The following SYT2 variants were observed in gnomAD, a reference collection of about 807,000 sequenced individuals.
The protein encoded by SYT2 is synaptotagmin-2.
A neutral mutation model predicts 39.9 loss-of-function variants in SYT2; 15 were observed. The ratio of observed to expected loss-of-function variants is 0.38; its 90% CI spans 0.25 to 0.58. The LOEUF is 0.58. SYT2 is among the 20% of genes least tolerant of loss of function. The probability of loss-of-function intolerance (pLI) is 0.70; values close to 1 mark genes in which losing one functional copy is unlikely to be tolerated. For synonymous variants in SYT2, 181 were observed against 204.5 expected (o/e 0.89, Z 0.98); for missense variants, 389 against 530.3 (o/e 0.73, Z 2.62).
chr1:202,627,492 G>C, intron 1 of SYT2: 1 of 985,306 alleles, frequency 1.0e-6, no homozygotes. Flanking sequence ...CCCAGGGCCT[G>C]AGTGGTCATG....
At chr1:202,652,686 G>A (rs1365437062) in intron 1 of SYT2, among the ~76,000 whole-genome samples, 3 of 152,182 alleles carry the variant, frequency 2.0e-5, no homozygotes, top group Non-Finnish European at 4.4e-5. Context: ...CTGGGAGGGG[G>A]CCGGGCATCA....
At position 202,605,704 on chromosome 1, in the gene SYT2, G is replaced by T. The variant is rs759339554; in HGVS notation, c.69C>A (p.Pro23=). 3.7e-6 allele frequency: 6 copies of T among 1,613,992 alleles called. No homozygotes were observed. Among genetic ancestry groups the T allele is most frequent in the Non-Finnish European group, 5.1e-6 (6 of 1,179,892 alleles). ...CAGTGGAGTTGTCCACGGGTCCAAT[G>T]GGCATCGTGGCGGTGGTGGTGGCAG... ...VAPATTTATM[P]IGPVDNSTES... Residue 23 remains proline (P), a synonymous_variant, in exon 2 of 9, where the codon CCC becomes CCA. Coordinates refer to ENST00000367268, the MANE Select transcript of SYT2 (RefSeq NM_177402.5).
At chr1:202,609,558 C>T (rs1482057854) in intron 1 of SYT2, among the ~76,000 whole-genome samples, 1 of 152,154 alleles carries the variant, frequency 6.6e-6, no homozygotes, top group African/African-American at 2.4e-5. Flanking sequence ...CCTGTTGTTT[C>T]CTGACTTTTT....
At chr1:202,670,679 T>G (rs1692570796) in intron 1 of SYT2, among the ~76,000 whole-genome samples, 1 of 152,204 alleles carries the variant, frequency 6.6e-6, no homozygotes, top group Non-Finnish European at 1.5e-5. Flanking sequence ...TGGAACAACA[T>G]GGGTGGGCGA....
Position 202,601,634 on chromosome 1 carries a change from A to C in SYT2, c.801+256T>G, listed in dbSNP as rs971595453. ...GGTGTTTTTATTTATTTGAGTACCT[A>C]CCAAATACCAGTCGCTGCGCTAGGC... On this transcript the variant is annotated intron_variant, in intron 6 of 8. Coordinates refer to ENST00000367268, the MANE Select transcript of SYT2 (RefSeq NM_177402.5). The surrounding 1 kb of genome is among the most constrained non-coding windows in gnomAD (Gnocchi z 4.0). Among the ~76,000 whole-genome samples, 3 of 152,226 alleles carry C rather than the reference A, an allele frequency of 2.0e-5. No homozygotes were observed. Among genetic ancestry groups the C allele is most frequent in the African/African-American group, 4.8e-5 (2 of 41,458 alleles).
Position 202,603,047 on chromosome 1 carries a change from G to C in SYT2, c.417C>G (p.Asn139Lys). Residue 139 changes from asparagine to lysine, a missense_variant, in exon 4 of 9, where the codon AAC (asparagine) becomes AAG (lysine). This residue lies in a region of SYT2 where 280 missense variants were observed against 335.6 expected (regional missense o/e 0.83). Transcript: ENST00000367268. ...CCAGGGAAAACTGCAGTTTGCCCAG[G>C]TTCTCTGGCTCTTTCTCCTCCTCCC... is the stretch of plus-strand genomic sequence containing the variant. ...GEGEEEKEPE[N>K]LGKLQFSLDY... 2.5e-6 allele frequency: 4 copies of C among 1,613,988 alleles called. No homozygotes were observed. The highest frequency in any genetic ancestry group is 3.4e-6 in the Non-Finnish European group (4 of 1,179,986).
chr1:202,619,041 T>G (rs539052473), intron 1 of SYT2, among the ~76,000 whole-genome samples: 51 of 152,306 alleles, frequency 3.3e-4, no homozygotes, highest in Non-Finnish European at 5.6e-4. Context: ...GTCCAGTGCT[T>G]CCTTCCACAG....
At chr1:202,697,061 C>T (rs1653990827) in intron 1 of SYT2, among the ~76,000 whole-genome samples, 1 of 152,232 alleles carries the variant, frequency 6.6e-6, no homozygotes, top group African/African-American at 2.4e-5. Context: ...AATGCTGCCT[C>T]CAGTAAGTGT....
intron 1 of SYT2, among the ~76,000 whole-genome samples, chr1:202,637,121 A>C (rs1224195155): frequency 6.6e-6 from 1 of 152,154 alleles, no homozygotes; most frequent in Non-Finnish European, 1.5e-5. Context: ...CAGGAGTTCG[A>C]GCCCAGCCTG....
intron 1 of SYT2, among the ~76,000 whole-genome samples, chr1:202,656,539 T>A (rs1352040859): frequency 6.6e-6 from 1 of 152,170 alleles, no homozygotes; most frequent in East Asian, 1.9e-4. Context: ...CTTAGGGAAG[T>A]GTCTTTAACC....
intron 1 of SYT2, among the ~76,000 whole-genome samples, chr1:202,696,959 ACAGTGACCTAAGT>A (rs1653988915): frequency 6.6e-6 from 1 of 152,160 alleles, no homozygotes; most frequent in South Asian, 2.1e-4. Context: ...TGTCATTAGG[ACAGTGACCTAAGT>A]CCCAAGCTTT....
At chr1:202,667,077 AT>A (rs1347137426) in intron 1 of SYT2, among the ~76,000 whole-genome samples, 1 of 152,238 alleles carries the variant, frequency 6.6e-6, no homozygotes, top group Non-Finnish European at 1.5e-5. Context: ...GTCCCAGAGT[AT>A]TTAAGCCTTA....
At chr1:202,685,789 T>A (rs1206502313) in intron 1 of SYT2, among the ~76,000 whole-genome samples, 4 of 151,954 alleles carry the variant, frequency 2.6e-5, no homozygotes, top group Non-Finnish European at 5.9e-5. Flanking sequence ...AGGGGAAAAA[T>A]GAATGCACAT....
At chr1:202,646,685 T>C (rs1204820907) in intron 1 of SYT2, among the ~76,000 whole-genome samples, 1 of 152,204 alleles carries the variant, frequency 6.6e-6, no homozygotes, top group Non-Finnish European at 1.5e-5. Flanking sequence ...AACGGGATAA[T>C]GTATATAGAG....
At position 202,669,380 on chromosome 1, in the gene SYT2, G is replaced by A. The variant is rs374629343; in HGVS notation, c.-18+40878C>T. Among the ~76,000 whole-genome samples, 379 of 151,996 alleles carry A rather than the reference G, an allele frequency of 2.5e-3. 1 individual carries two copies. Among genetic ancestry groups the A allele is most frequent in the African/African-American group, 7.9e-3 (327 of 41,436 alleles). The stretch of plus-strand genomic sequence containing the variant: ...CAAAAAAATAATTTAGGCTGGACGC[G>A]GTGGCTCACACCTGTAATCCCAGCA... On this transcript the variant is annotated intron_variant, in intron 1 of 8. Coordinates refer to ENST00000367268, the MANE Select transcript of SYT2 (RefSeq NM_177402.5).
intron 1 of SYT2, among the ~76,000 whole-genome samples, chr1:202,633,272 G>A (rs1691646617): frequency 6.6e-6 from 1 of 152,130 alleles, no homozygotes; most frequent in South Asian, 2.1e-4. Context: ...TCCCAAACCA[G>A]GAGCTAGGCC....
chr1:202,603,997 T>C (rs1283879933), intron 3 of SYT2, among the ~76,000 whole-genome samples: 3 of 152,158 alleles, frequency 2.0e-5, no homozygotes, highest in Non-Finnish European at 4.4e-5. Context: ...AATTATGATA[T>C]GATTAATGAT....
In SYT2 at chr1:202,604,451, C is replaced by G; in HGVS notation, c.345+4G>C. On this transcript the variant is annotated splice_donor_region_variant and intron_variant, in intron 3 of 8. Transcript: ENST00000367268. ...CAGTCCCCCTCACAACCAATGTGCCCTACCTGACCCCCTTTCATGTCCTTC... is the reference window on the plus strand; with the variant it reads ...CAGTCCCCCTCACAACCAATGTGCCGTACCTGACCCCCTTTCATGTCCTTC... 1 of 1,613,998 alleles carries G rather than the reference C, an allele frequency of 6.2e-7. No homozygotes were observed.
chr1:202,591,693 G>A lies in SYT2; in HGVS notation c.*5064C>T, dbSNP rs145000757. 235 of 152,332 alleles carry A rather than the reference G, an allele frequency of 1.5e-3. 1 individual carries two copies. Among genetic ancestry groups the A allele is most frequent in the East Asian group, 5.1e-3 (26 of 5,112 alleles). 9.4% of individuals were successfully genotyped at this position (152,332 alleles called of 1,614,324 possible). ...AAGAGCGTCAGCCCCTGTATTCACCGGCCTCTCCCTGAGTCCCTCCTCCAT... is the reference window on the plus strand; with the variant it reads ...AAGAGCGTCAGCCCCTGTATTCACCAGCCTCTCCCTGAGTCCCTCCTCCAT... On this transcript the variant is annotated 3_prime_UTR_variant, in exon 9 of 9. Coordinates refer to ENST00000367268, the MANE Select transcript of SYT2 (RefSeq NM_177402.5).
Sources: allele counts gnomAD v4.1 joint callset (sites outside exome capture counted in the v4.1 genomes callset), GRCh38; gene constraint gnomAD v4.1.1; regional missense constraint gnomAD v4.1.1; non-coding constraint Gnocchi (gnomAD v3.1); transcripts MANE v1.5; gene names NCBI Gene and HGNC (gene_info 2026-07-23, HGNC 2026-07-21).